Variants in RXFP1 observed in about 807,000 individuals in gnomAD.
The protein encoded by RXFP1 is relaxin receptor 1.
Under a neutral mutation model 89.8 loss-of-function variants are expected in RXFP1, and 73 were observed. That is an observed-to-expected ratio of 0.81 (90% CI 0.67 to 0.99). The LOEUF (loss-of-function observed/expected upper bound fraction) is 0.99. Ranked by LOEUF, RXFP1 falls within the 50% of genes least tolerant of loss-of-function variation. RXFP1 has a pLI of 0.00. For missense variants in RXFP1, 793 were observed against 895.5 expected, an observed-to-expected ratio of 0.89 and a Z score of 1.46; for synonymous variants, 277 against 305.5, an observed-to-expected ratio of 0.91 and a Z score of 0.97.
At chr4:158,542,936 T>C (rs149604881) in intron 1 of RXFP1, among the ~76,000 whole-genome samples, 1,957 of 152,144 alleles carry the variant, frequency 0.013, 18 homozygotes, top group Non-Finnish European at 0.019. Flanking sequence ...AGAGGGGAAC[T>C]ACAGACACTG....
rs549556411 is a variant in RXFP1, at chr4:158,533,782, G to T, written c.49+11757G>T. Among the ~76,000 whole-genome samples, 7 of 152,060 alleles carry T rather than the reference G, an allele frequency of 4.6e-5. No individual in the cohort carries two copies. The South Asian group carries it at 1.5e-3, about 32-fold the overall frequency. On this transcript the variant is annotated intron_variant, in intron 1 of 17. Coordinates refer to ENST00000307765, the MANE Select transcript of RXFP1 (RefSeq NM_021634.4). ...TTTTTCTATTCTGTTGCCCACAATG[G>T]TTCCTCATATTTCACTTACACCTGC...
chr4:158,529,940 T>G (rs1743612513), intron 1 of RXFP1, among the ~76,000 whole-genome samples: 1 of 152,182 alleles, frequency 6.6e-6, no homozygotes, highest in Non-Finnish European at 1.5e-5. Context: ...AACATACTAC[T>G]TGCAGATTAC....
intron 9 of RXFP1, among the ~76,000 whole-genome samples, chr4:158,624,055 A>G (rs1316314349): frequency 2.0e-5 from 3 of 152,128 alleles, no homozygotes; most frequent in Non-Finnish European, 4.4e-5. Flanking sequence ...TGTTATATGT[A>G]CGTGCACCTA....
chr4:158,626,354 G>A (rs72967621), intron 9 of RXFP1, among the ~76,000 whole-genome samples: 11,738 of 152,068 alleles, frequency 0.077, 1,431 homozygotes, highest in African/African-American at 0.26. Flanking sequence ...TGGAAAGGTA[G>A]GAGCTAAATA....
intron 17 of RXFP1, 91 bp downstream of exon 17, chr4:158,648,808 C>A: frequency 2.5e-6 from 2 of 801,386 alleles, no homozygotes; most frequent in Non-Finnish European, 3.9e-6. Context: ...TAACACTAAA[C>A]AATTCAAAGA....
intron 12 of RXFP1, among the ~76,000 whole-genome samples, chr4:158,635,793 C>T (rs1411984692): frequency 6.6e-6 from 1 of 152,038 alleles, no homozygotes; most frequent in Non-Finnish European, 1.5e-5. Flanking sequence ...CAGTTCCTTC[C>T]ATCCCCCATG....
intron 1 of RXFP1, among the ~76,000 whole-genome samples, chr4:158,530,890 A>G (rs1239033052): frequency 6.6e-6 from 1 of 152,160 alleles, no homozygotes; most frequent in East Asian, 1.9e-4. Context: ...TTGTCTATCA[A>G]ATCCATTTTA....
At chr4:158,551,511 C>CA (rs1314610069) in intron 1 of RXFP1, among the ~76,000 whole-genome samples, 1 of 149,322 alleles carries the variant, frequency 6.7e-6, no homozygotes, top group Admixed American at 6.7e-5. Context: ...GTTCTCACCA[C>CA]AAAAAAATGC....
intron 1 of RXFP1, among the ~76,000 whole-genome samples, chr4:158,526,093 TC>T (rs1454726453): frequency 6.6e-6 from 1 of 152,214 alleles, no homozygotes. Flanking sequence ...GGTGAGGGCC[TC>T]CCCATCCAAG....
intron 15 of RXFP1, chr4:158,646,553 G>A: frequency 7.5e-7 from 1 of 1,332,618 alleles, no homozygotes; most frequent in Admixed American, 3.3e-5. Context: ...GCACTTTAAA[G>A]GAAAATGAAG....
Position 158,633,547 on chromosome 4 carries a change from A to G in RXFP1, c.971+71A>G, listed in dbSNP as rs1377303007. 4.1e-6 allele frequency: 4 copies of G among 974,234 alleles called. No homozygotes were observed. In the Admixed American group the frequency reaches 9.2e-5, roughly 22 times the overall value. The allele number at this position is 974,234 out of a possible 1,614,324, so 60.3% of individuals were successfully genotyped here. Reference sequence around the variant, plus strand: ...TTTTTTAAATTGTAAAATATGCATAACATAAAATTAGCCATTTTTAAGTGT... The same window carrying G: ...TTTTTTAAATTGTAAAATATGCATAGCATAAAATTAGCCATTTTTAAGTGT... On this transcript the variant is annotated intron_variant, in intron 12 of 17. Coordinates refer to ENST00000307765, the MANE Select transcript of RXFP1 (RefSeq NM_021634.4).
chr4:158,615,680 C>T (rs1764418214), intron 8 of RXFP1, among the ~76,000 whole-genome samples: 2 of 151,954 alleles, frequency 1.3e-5, no homozygotes, highest in African/African-American at 2.4e-5. Context: ...CAGGGTGGCT[C>T]ACGTCTGTAA....
At chr4:158,528,506 G>C (rs191130349) in intron 1 of RXFP1, among the ~76,000 whole-genome samples, 55 of 151,342 alleles carry the variant, frequency 3.6e-4, no homozygotes, top group Non-Finnish European at 7.1e-4. Flanking sequence ...CCCTGTGTCA[G>C]AAAAAGAAAA....
intron 14 of RXFP1, among the ~76,000 whole-genome samples, chr4:158,641,157 C>T (rs1336724172): frequency 6.6e-6 from 1 of 152,174 alleles, no homozygotes; most frequent in East Asian, 1.9e-4. Context: ...AGATTCCTTT[C>T]TTGTATGCAA....
chr4:158,537,773 A>C (rs534392224), intron 1 of RXFP1, among the ~76,000 whole-genome samples: 230 of 152,374 alleles, frequency 1.5e-3, no homozygotes, highest in African/African-American at 4.2e-3. Flanking sequence ...TTTAAATAAC[A>C]AAAAGTAAAC....
chr4:158,545,107 CTGT>C (rs1247241246), intron 1 of RXFP1, among the ~76,000 whole-genome samples: 2 of 151,218 alleles, frequency 1.3e-5, no homozygotes, highest in Non-Finnish European at 2.9e-5. Context: ...TCTCCAGCAC[CTGT>C]TGTTTCCTGA....
At chr4:158,615,087 C>T (rs1764294808) in intron 8 of RXFP1, among the ~76,000 whole-genome samples, 1 of 152,026 alleles carries the variant, frequency 6.6e-6, no homozygotes, top group Non-Finnish European at 1.5e-5. Context: ...TGGGACTCTT[C>T]CTTTCATTTG....
At chr4:158,620,026 A>G (rs1009873056) in intron 9 of RXFP1, among the ~76,000 whole-genome samples, 1 of 152,254 alleles carries the variant, frequency 6.6e-6, no homozygotes, top group African/African-American at 2.4e-5. Flanking sequence ...AACCAGAACC[A>G]GCAATAACTC....
chr4:158,609,816 A>G (rs376297948), intron 6 of RXFP1, among the ~76,000 whole-genome samples: 2 of 152,170 alleles, frequency 1.3e-5, no homozygotes, highest in South Asian at 2.1e-4. Flanking sequence ...TTCTTTCCAT[A>G]TATCTTTGCA....
Sources: gnomAD v4.1 joint callset for allele counts (sites outside exome capture counted in the v4.1 genomes callset) on GRCh38, gnomAD v4.1.1 for gene constraint, MANE v1.5 for transcripts, NCBI Gene and HGNC (gene_info 2026-07-23, HGNC 2026-07-21) for gene names.